NELL1: variants seen among roughly 807,000 people sequenced by gnomAD.
The protein encoded by NELL1 is neural EGFL like 1, also known as protein kinase C-binding protein NELL1.
NELL1 carries 76 observed loss-of-function variants against 107.4 expected under a neutral mutation model. That is an observed-to-expected ratio of 0.71 (90% CI 0.59 to 0.86). The LOEUF (loss-of-function observed/expected upper bound fraction) is 0.86, where lower values mean the gene tolerates loss of function less well. NELL1 is among the 40% of genes least tolerant of loss of function. The pLI, the probability that NELL1 is intolerant of heterozygous loss-of-function variation, is 0.00. For synonymous variants in NELL1, 353 were observed against 341.2 expected (o/e 1.03, Z -0.38); for missense variants, 1,024 against 1,005.5 (o/e 1.02, Z -0.25).
At chr11:21,290,758 C>G (rs1171758312) in intron 14 of NELL1, among the ~76,000 whole-genome samples, 2 of 152,206 alleles carry the variant, frequency 1.3e-5, no homozygotes, top group African/African-American at 2.4e-5. Flanking sequence ...AGGGGCCTGA[C>G]TGTTACAAGG....
chr11:21,542,357 G>A (rs2133979841), intron 16 of NELL1, among the ~76,000 whole-genome samples: 1 of 152,106 alleles, frequency 6.6e-6, no homozygotes, highest in African/African-American at 2.4e-5. Flanking sequence ...GAACAGTGAT[G>A]GGCTCATAGG....
At chr11:21,565,280 G>C (rs1440473499) in intron 17 of NELL1, among the ~76,000 whole-genome samples, 1 of 151,842 alleles carries the variant, frequency 6.6e-6, no homozygotes, top group African/African-American at 2.4e-5. Flanking sequence ...TCCTGTAAAG[G>C]AACAGGGCGT....
intron 11 of NELL1, among the ~76,000 whole-genome samples, chr11:20,949,722 A>G (rs1456718053): frequency 6.6e-6 from 1 of 152,214 alleles, no homozygotes; most frequent in Non-Finnish European, 1.5e-5. Flanking sequence ...GAGATGTGAC[A>G]TCTCATTGAC....
chr11:21,563,463 T>C (rs10741887), intron 17 of NELL1, among the ~76,000 whole-genome samples: 151,683 of 152,114 alleles, frequency 1, 75,628 homozygotes, highest in East Asian at 1. Context: ...AAGCATAGTC[T>C]GCCCTCTGTA....
At chr11:20,703,374 A>G (rs1022836780) in intron 2 of NELL1, among the ~76,000 whole-genome samples, 2 of 151,980 alleles carry the variant, frequency 1.3e-5, no homozygotes, top group African/African-American at 4.8e-5. Context: ...TATTGCGTCT[A>G]TTTGATTCTT....
At chr11:21,508,418 A>G (rs1055511852) in intron 15 of NELL1, among the ~76,000 whole-genome samples, 1 of 152,194 alleles carries the variant, frequency 6.6e-6, no homozygotes, top group African/African-American at 2.4e-5. Context: ...GCAGATAAGT[A>G]TGAGCAAGGT....
chr11:20,737,165 A>T (rs1487005682), intron 2 of NELL1, among the ~76,000 whole-genome samples: 2 of 151,926 alleles, frequency 1.3e-5, no homozygotes, highest in African/African-American at 4.8e-5. Flanking sequence ...TCCTCATTCT[A>T]GAGCTCACAT....
chr11:21,113,824 T>A, intron 13 of NELL1, 110 bp downstream of exon 13: 1 of 1,136,830 alleles, frequency 8.8e-7, no homozygotes, highest in Non-Finnish European at 1.2e-6. Context: ...ATCTAAATAG[T>A]TCTTCTCTTT....
At chr11:21,573,465 CAGG>C in intron 19 of NELL1, 56 bp downstream of exon 19, 1 of 1,466,150 alleles carries the variant, frequency 6.8e-7, no homozygotes, top group Non-Finnish European at 9.5e-7. Context: ...AGAACACTTG[CAGG>C]AGGTCCACTC....
At chr11:21,254,773 T>G (rs1858727037) in intron 14 of NELL1, among the ~76,000 whole-genome samples, 2 of 152,110 alleles carry the variant, frequency 1.3e-5, no homozygotes, top group Admixed American at 1.3e-4. Context: ...TTTTGCTCTC[T>G]CTTCTTTTCA....
At chr11:21,015,028 G>C (rs1223067551) in intron 12 of NELL1, among the ~76,000 whole-genome samples, 1 of 151,934 alleles carries the variant, frequency 6.6e-6, no homozygotes, top group East Asian at 1.9e-4. Context: ...CTTGAACTTT[G>C]TTCATTTTTT....
chr11:21,539,195 G>A (rs936972697), intron 16 of NELL1, among the ~76,000 whole-genome samples: 8 of 152,188 alleles, frequency 5.3e-5, no homozygotes, highest in African/African-American at 1.9e-4. Context: ...AACTCCTTAT[G>A]GGAGGGAGAG....
chr11:20,938,525 T>A (rs1850775609), intron 10 of NELL1, among the ~76,000 whole-genome samples: 1 of 151,656 alleles, frequency 6.6e-6, no homozygotes, highest in African/African-American at 2.4e-5. Flanking sequence ...AATAGAGAGG[T>A]CTGAGTTGGG....
intron 2 of NELL1, among the ~76,000 whole-genome samples, chr11:20,746,309 C>G (rs1017710957): frequency 9.9e-5 from 15 of 152,152 alleles, no homozygotes; most frequent in Non-Finnish European, 1.8e-4. Flanking sequence ...TTCAAGAACT[C>G]TAAGGTGACA....
At position 20,928,374 on chromosome 11, in the gene NELL1, C is replaced by CCTCA. The variant is rs1850545270; in HGVS notation, c.895-3_895-2insCTCA. 1 of 1,612,904 alleles carries CCTCA rather than the reference C, an allele frequency of 6.2e-7. No homozygotes were observed. The highest frequency in any genetic ancestry group is 1.7e-5 in the Admixed American group (1 of 59,996). Reference sequence around the variant, plus strand: ...ATTATGTTCCATGTCCTTCCTTCCTCAGAGTGGTGCCGTGGAATGCCGAAG... The same window carrying CCTCA: ...ATTATGTTCCATGTCCTTCCTTCCTCCTCAAGAGTGGTGCCGTGGAATGCCGAAG... On this transcript the variant is annotated splice_polypyrimidine_tract_variant and splice_region_variant and intron_variant, in intron 8 of 19. Coordinates refer to ENST00000357134, the MANE Select transcript of NELL1 (RefSeq NM_006157.5).
At chr11:21,496,649 T>C in intron 15 of NELL1, among the ~76,000 whole-genome samples, 1 of 152,178 alleles carries the variant, frequency 6.6e-6, no homozygotes, top group East Asian at 1.9e-4. Flanking sequence ...GACCTCGTGA[T>C]CCACTTGCCT....
intron 12 of NELL1, among the ~76,000 whole-genome samples, chr11:21,055,641 C>T (rs913495685): frequency 2.6e-5 from 4 of 151,948 alleles, no homozygotes; most frequent in South Asian, 2.1e-4. Flanking sequence ...TATTGACCGA[C>T]GGTTTTATTT....
chr11:21,480,414 G>A (rs1027915955), intron 15 of NELL1, among the ~76,000 whole-genome samples: 2 of 152,110 alleles, frequency 1.3e-5, no homozygotes, highest in East Asian at 1.9e-4. Context: ...GGGAAGAAGG[G>A]CAATTTCCCT....
chr11:20,850,706 C>A (rs1439089262), intron 4 of NELL1, among the ~76,000 whole-genome samples: 1 of 152,098 alleles, frequency 6.6e-6, no homozygotes, highest in East Asian at 1.9e-4. Context: ...TATTTCCCTG[C>A]CACATGTCTT....
Sources: gnomAD v4.1 joint callset for allele counts (sites outside exome capture counted in the v4.1 genomes callset) on GRCh38, gnomAD v4.1.1 for gene constraint, MANE v1.5 for transcripts, NCBI Gene and HGNC (gene_info 2026-07-23, HGNC 2026-07-21) for gene names.